DENND2A: variants seen among roughly 807,000 people sequenced by gnomAD.
DENND2A encodes the protein DENN domain containing 2A.
A neutral mutation model predicts 105.3 loss-of-function variants in DENND2A; 53 were observed. That is an observed-to-expected ratio of 0.50 (90% confidence interval 0.40 to 0.63). DENND2A has a LOEUF of 0.63. DENND2A is among the 30% of genes least tolerant of loss of function. The probability of loss-of-function intolerance (pLI) is 0.00; values close to 1 mark genes in which losing one functional copy is unlikely to be tolerated. For missense variants in DENND2A, 1,138 were observed against 1,279.6 expected, an observed-to-expected ratio of 0.89 and a Z score of 1.69; for synonymous variants, 522 against 508.4, an observed-to-expected ratio of 1.03 and a Z score of -0.36.
At chr7:140,546,531 G>C (rs189828806) in intron 13 of DENND2A, among the ~76,000 whole-genome samples, 3 of 152,356 alleles carry the variant, frequency 2.0e-5, no homozygotes, top group Admixed American at 2.0e-4. Context: ...AGGATGTTCA[G>C]TGCAGATCCC....
At chr7:140,524,958 T>C (rs2130460464) in intron 16 of DENND2A, among the ~76,000 whole-genome samples, 1 of 149,152 alleles carries the variant, frequency 6.7e-6, no homozygotes, top group South Asian at 2.1e-4. Flanking sequence ...TGATCTCGGC[T>C]CATTGCAAGC....
chr7:140,632,668 AAGTG>A (rs2130739521), intron 1 of DENND2A, among the ~76,000 whole-genome samples: 1 of 151,900 alleles, frequency 6.6e-6, no homozygotes, highest in South Asian at 2.1e-4. Flanking sequence ...TCCTGGGTTC[AAGTG>A]ATTCACCTGC....
At chr7:140,601,124 T>C (rs1040917025) in intron 3 of DENND2A, among the ~76,000 whole-genome samples, 2 of 152,190 alleles carry the variant, frequency 1.3e-5, no homozygotes, top group African/African-American at 4.8e-5. Flanking sequence ...TAACTCTTGG[T>C]TACTGTCCCA....
chr7:140,570,139 C>T (rs1280327949), intron 6 of DENND2A, among the ~76,000 whole-genome samples: 1 of 152,200 alleles, frequency 6.6e-6, no homozygotes, highest in African/African-American at 2.4e-5. Context: ...AGGTGATCCA[C>T]CCACCTTGGC....
chr7:140,620,554 T>A (rs529482394), intron 1 of DENND2A, among the ~76,000 whole-genome samples: 1 of 152,284 alleles, frequency 6.6e-6, no homozygotes, highest in Non-Finnish European at 1.5e-5. Flanking sequence ...TATATTATAA[T>A]TGCTATTGCA....
intron 14 of DENND2A, among the ~76,000 whole-genome samples, chr7:140,532,061 G>A (rs1430540045): frequency 1.3e-5 from 2 of 152,000 alleles, no homozygotes; most frequent in African/African-American, 4.8e-5. Flanking sequence ...TCAGGAGTTC[G>A]AGATCAGCCT....
chr7:140,551,495 C>G (rs1025479261), intron 12 of DENND2A, among the ~76,000 whole-genome samples: 1 of 152,028 alleles, frequency 6.6e-6, no homozygotes, highest in Admixed American at 6.6e-5. Flanking sequence ...ATCTCACTGT[C>G]TAGGAGCATG....
intron 6 of DENND2A, 147 bp from the exon 7 acceptor site, chr7:140,569,885 T>G: frequency 1.7e-6 from 1 of 604,142 alleles, no homozygotes; most frequent in East Asian, 2.7e-5. Context: ...TGGGTGTCTT[T>G]CAATCATTTT....
chr7:140,572,571 G>T (rs1018944772), intron 6 of DENND2A, among the ~76,000 whole-genome samples: 3 of 151,454 alleles, frequency 2.0e-5, no homozygotes, highest in Non-Finnish European at 4.4e-5. Context: ...GACCAGCCTG[G>T]TCAATATGGT....
chr7:140,568,947 T>G, intron 7 of DENND2A, 134 bp from the exon 8 acceptor site: 2 of 800,022 alleles, frequency 2.5e-6, no homozygotes, highest in South Asian at 1.7e-5. Context: ...TTTTTTGAGA[T>G]GGAGTCTTGC....
At chr7:140,557,542 T>A (rs1162328296) in intron 11 of DENND2A, among the ~76,000 whole-genome samples, 17 of 68,568 alleles carry the variant, frequency 2.5e-4, no homozygotes, top group African/African-American at 6.9e-4. Flanking sequence ...TTTTTTTTTT[T>A]TTTTTTTTTT....
rs1383960064 is a variant in DENND2A at position 140,531,419 on chromosome 7, G to T, written c.2328-3924C>A. Among the ~76,000 whole-genome samples the T allele has an allele frequency of 2.0e-5, 3 of 152,056 alleles. No individual in the cohort carries two copies. In the East Asian group the frequency reaches 5.8e-4, roughly 29 times the overall value. ...AGTGGGTCTTGAAATCATTTTAGAGGGTTGCGATCAGCATTAAAAACAAGA... is the reference window on the plus strand; with the variant it reads ...AGTGGGTCTTGAAATCATTTTAGAGTGTTGCGATCAGCATTAAAAACAAGA... On this transcript the variant is annotated intron_variant, in intron 14 of 19. Transcript: ENST00000496613.
chr7:140,529,218 G>A (rs1796170006), intron 14 of DENND2A, among the ~76,000 whole-genome samples: 1 of 152,074 alleles, frequency 6.6e-6, no homozygotes, highest in South Asian at 2.1e-4. Flanking sequence ...TAGCATTTTG[G>A]GAGGCCGAGG....
intron 16 of DENND2A, among the ~76,000 whole-genome samples, chr7:140,524,018 A>AT (rs1795956629): frequency 6.6e-6 from 1 of 152,160 alleles, no homozygotes; most frequent in African/African-American, 2.4e-5. Context: ...TCAATAGATG[A>AT]TTTCCACTGC....
At chr7:140,629,400 T>C (rs545285139) in intron 1 of DENND2A, among the ~76,000 whole-genome samples, 9 of 152,184 alleles carry the variant, frequency 5.9e-5, no homozygotes, top group African/African-American at 1.7e-4. Context: ...AAAGTGCTCC[T>C]GAGGAGGCCA....
rs190333336 is a variant in DENND2A at position 140,555,219 on chromosome 7, C to T, written c.2037+417G>A. On this transcript the variant is annotated intron_variant, in intron 12 of 19. Transcript: ENST00000496613. Reference sequence around the variant, plus strand: ...CACGATCTCGGCTCACTGCAACCTCCGCCTCCCGGGTTCAAGTGATTCTCC... The same window carrying T: ...CACGATCTCGGCTCACTGCAACCTCTGCCTCCCGGGTTCAAGTGATTCTCC... 6.5e-3 allele frequency among the ~76,000 whole-genome samples: 981 copies of T among 151,896 alleles called. 15 individuals are homozygous for T. Among genetic ancestry groups the T allele is most frequent in the African/African-American group, 0.023 (934 of 41,410 alleles).
At chr7:140,524,216 T>C (rs1258475656) in intron 16 of DENND2A, among the ~76,000 whole-genome samples, 1 of 152,130 alleles carries the variant, frequency 6.6e-6, no homozygotes, top group East Asian at 1.9e-4. Flanking sequence ...CTACTGAACT[T>C]TTCAGCAATG....
chr7:140,579,635 C>T (rs1283104834), intron 5 of DENND2A, among the ~76,000 whole-genome samples: 1 of 151,912 alleles, frequency 6.6e-6, no homozygotes, highest in Admixed American at 6.6e-5. Context: ...TCAGTTGATT[C>T]GCCTGCCTCG....
At chr7:140,612,541 G>A (rs920319131) in intron 1 of DENND2A, among the ~76,000 whole-genome samples, 1 of 148,092 alleles carries the variant, frequency 6.8e-6, no homozygotes, top group Non-Finnish European at 1.5e-5. Flanking sequence ...TTACTCTGTT[G>A]CCCGATCTGG....
Sources: gnomAD v4.1 joint callset for allele counts (sites outside exome capture counted in the v4.1 genomes callset) on GRCh38, gnomAD v4.1.1 for gene constraint, MANE v1.5 for transcripts, NCBI Gene and HGNC (gene_info 2026-07-23, HGNC 2026-07-21) for gene names.